SLC9A9: variants seen among roughly 807,000 people sequenced by gnomAD.
The protein encoded by SLC9A9 is solute carrier family 9 member A9.
In SLC9A9, 62 loss-of-function variants were observed where a neutral mutation model predicts 77.8. The ratio of observed to expected loss-of-function variants is 0.80; its 90% confidence interval spans 0.65 to 0.98. SLC9A9 has a LOEUF of 0.98. Ranked by LOEUF, SLC9A9 falls within the 50% of genes least tolerant of loss-of-function variation. The pLI is 0.00. For synonymous variants in SLC9A9, 320 were observed against 283.5 expected (o/e 1.13, Z -1.29); for missense variants, 775 against 774.9 (o/e 1.00, Z 0.00).
intron 1 of SLC9A9, among the ~76,000 whole-genome samples, chr3:143,833,462 G>C (rs961117299): frequency 2.0e-5 from 3 of 152,176 alleles, no homozygotes; most frequent in African/African-American, 7.2e-5. Flanking sequence ...GGGGTATTCC[G>C]AAGCCCTTTG....
intron 2 of SLC9A9, among the ~76,000 whole-genome samples, chr3:143,808,308 TA>T (rs1163975645): frequency 2.0e-5 from 3 of 152,188 alleles, no homozygotes; most frequent in African/African-American, 4.8e-5. Context: ...GAAACCTGAG[TA>T]AAAAAGCTTT....
At chr3:143,473,275 C>T (rs1473789328) in intron 11 of SLC9A9, among the ~76,000 whole-genome samples, 1 of 152,190 alleles carries the variant, frequency 6.6e-6, no homozygotes, top group Non-Finnish European at 1.5e-5. Flanking sequence ...CTCAGAACAG[C>T]TTCCTCAAAA....
intron 12 of SLC9A9, among the ~76,000 whole-genome samples, chr3:143,439,085 G>A (rs1191832603): frequency 6.6e-6 from 1 of 152,206 alleles, no homozygotes; most frequent in African/African-American, 2.4e-5. Flanking sequence ...GTACCCTGGA[G>A]AATCATACAG....
At chr3:143,779,750 G>C (rs1328621911) in intron 4 of SLC9A9, among the ~76,000 whole-genome samples, 2 of 152,198 alleles carry the variant, frequency 1.3e-5, no homozygotes, top group Non-Finnish European at 2.9e-5. Context: ...TGCAAATATG[G>C]TGAGCTATGT....
At chr3:143,811,448 C>T (rs766596569) in intron 2 of SLC9A9, among the ~76,000 whole-genome samples, 5 of 152,122 alleles carry the variant, frequency 3.3e-5, no homozygotes, top group African/African-American at 9.7e-5. Flanking sequence ...TTTCCTTATT[C>T]GTACTATGGG....
At chr3:143,822,553 T>C (rs754714691) in intron 2 of SLC9A9, among the ~76,000 whole-genome samples, 6 of 152,148 alleles carry the variant, frequency 3.9e-5, no homozygotes, top group Non-Finnish European at 7.4e-5. Context: ...TCCCCTCCTG[T>C]GCCCAGCTGT....
chr3:143,516,778 T>G (rs2036209470), intron 9 of SLC9A9, among the ~76,000 whole-genome samples: 1 of 152,174 alleles, frequency 6.6e-6, no homozygotes, highest in African/African-American at 2.4e-5. Flanking sequence ...GAAAATATGC[T>G]GAGAGTAAAT....
chr3:143,376,973 C>T (rs1488237090), intron 13 of SLC9A9, among the ~76,000 whole-genome samples: 4 of 152,144 alleles, frequency 2.6e-5, no homozygotes, highest in Admixed American at 6.5e-5. Context: ...TCCAACAGTA[C>T]AGGAGCAGTA....
At chr3:143,420,304 G>C (rs183707786) in intron 12 of SLC9A9, among the ~76,000 whole-genome samples, 1 of 152,116 alleles carries the variant, frequency 6.6e-6, no homozygotes, top group South Asian at 2.1e-4. Context: ...AGTTTGTAAA[G>C]TTCTTAGTAC....
At chr3:143,779,680 G>A (rs796712403) in intron 4 of SLC9A9, among the ~76,000 whole-genome samples, 5 of 152,284 alleles carry the variant, frequency 3.3e-5, no homozygotes, top group African/African-American at 1.2e-4. Flanking sequence ...CTAATCCTCA[G>A]TTTTAAAATG....
At chr3:143,400,317 A>G (rs562933235) in intron 12 of SLC9A9, among the ~76,000 whole-genome samples, 4 of 152,204 alleles carry the variant, frequency 2.6e-5, no homozygotes, top group Non-Finnish European at 5.9e-5. Context: ...TTTTATGCTT[A>G]CAAATTAAAA....
At chr3:143,279,904 C>T (rs544073272) in intron 14 of SLC9A9, among the ~76,000 whole-genome samples, 89 of 152,304 alleles carry the variant, frequency 5.8e-4, no homozygotes, top group African/African-American at 2.1e-3. Flanking sequence ...ACTGCAGCCT[C>T]GACCTCCTGA....
chr3:143,603,876 A>G lies in SLC9A9; in HGVS notation c.756-25153T>C, dbSNP rs139850082. ...TTATTCAGTTAGGGGTCACTGTTTT[A>G]CTTTTTGCTTTTACAGAGGGGTGAC... On this transcript the variant is annotated intron_variant, in intron 6 of 15. Coordinates refer to ENST00000316549, the MANE Select transcript of SLC9A9 (RefSeq NM_173653.4). Among the ~76,000 whole-genome samples the G allele has an allele frequency of 1.9e-3, 294 of 152,294 alleles. 1 individual carries two copies. The highest frequency in any genetic ancestry group is 6.5e-3 in the African/African-American group (270 of 41,566).
At chr3:143,572,133 G>T (rs2037271208) in intron 8 of SLC9A9, among the ~76,000 whole-genome samples, 1 of 152,174 alleles carries the variant, frequency 6.6e-6, no homozygotes, top group African/African-American at 2.4e-5. Flanking sequence ...GCTCAGTAAG[G>T]ATATCAGGTT....
intron 4 of SLC9A9, among the ~76,000 whole-genome samples, chr3:143,749,916 A>G (rs2006656424): frequency 6.6e-6 from 1 of 152,242 alleles, no homozygotes; most frequent in African/African-American, 2.4e-5. Flanking sequence ...TGCCTTTCGG[A>G]TATGATTAAA....
Position 143,266,009 on chromosome 3 carries a change from T to C in SLC9A9, c.*693A>G, listed in dbSNP as rs1239785001. ...AAACCTGGTTTTCTTGGAATGGTCC[T>C]ACTAAGCTTGAAAGTGGTGCTGCAT... On this transcript the variant is annotated 3_prime_UTR_variant, in exon 16 of 16. Transcript: ENST00000316549. 2 of 700,872 alleles carry C rather than the reference T, an allele frequency of 2.9e-6. No individual in the cohort carries two copies. The highest frequency in any genetic ancestry group is 5.2e-6 in the Non-Finnish European group (2 of 384,190). 43.4% of individuals were successfully genotyped at this position (700,872 alleles called of 1,614,324 possible).
At chr3:143,758,255 T>C (rs2006994146) in intron 4 of SLC9A9, among the ~76,000 whole-genome samples, 1 of 152,230 alleles carries the variant, frequency 6.6e-6, no homozygotes, top group Admixed American at 6.5e-5. Flanking sequence ...AGAACAGATG[T>C]ATTCTAAAGT....
intron 13 of SLC9A9, among the ~76,000 whole-genome samples, chr3:143,380,352 G>T (rs2033274918): frequency 2.0e-5 from 3 of 152,102 alleles, no homozygotes; most frequent in Admixed American, 6.5e-5. Flanking sequence ...TGTGATTGTA[G>T]AATATTAGGC....
intron 14 of SLC9A9, among the ~76,000 whole-genome samples, chr3:143,270,955 T>A (rs1264560707): frequency 1.3e-5 from 2 of 152,230 alleles, no homozygotes; most frequent in Non-Finnish European, 2.9e-5. Flanking sequence ...AATCCAGAAA[T>A]AATTCACAAG....
Sources: gnomAD v4.1 joint callset for allele counts (sites outside exome capture counted in the v4.1 genomes callset) on GRCh38, gnomAD v4.1.1 for gene constraint, MANE v1.5 for transcripts, NCBI Gene and HGNC (gene_info 2026-07-23, HGNC 2026-07-21) for gene names.